Variants in LGALS12 observed in about 807,000 individuals in gnomAD.
The protein encoded by LGALS12 is galectin 12.
LGALS12 carries 36 observed loss-of-function variants against 36.8 expected under a neutral mutation model. That is an observed-to-expected ratio of 0.98 (90% CI 0.75 to 1.29). LGALS12 has a LOEUF of 1.29. Ranked by LOEUF, LGALS12 falls within the 50% of genes most tolerant of loss-of-function variation. LGALS12 has a pLI of 0.00. For missense variants in LGALS12, 366 were observed against 394.3 expected, an observed-to-expected ratio of 0.93 and a Z score of 0.61; for synonymous variants, 145 against 155.9, an observed-to-expected ratio of 0.93 and a Z score of 0.52.
chr11:63,510,977 A>T, intron 5 of LGALS12, 102 bp from the exon 6 acceptor site: 1 of 1,213,948 alleles, frequency 8.2e-7, no homozygotes, highest in Non-Finnish European at 1.2e-6. Flanking sequence ...GCTGTGAGAG[A>T]GACAAGCCCC....
rs753590832 is a variant in LGALS12, at chr11:63,508,560, C to T, written c.77C>T (p.Pro26Leu). 1 of 1,614,022 alleles carries T rather than the reference C, an allele frequency of 6.2e-7. No individual in the cohort carries two copies. The highest frequency in any genetic ancestry group is 1.1e-5 in the South Asian group (1 of 91,088). ...GTTTCTTTTCTTGTTCAGGTGGTTC[C>T]TTATGTCACGACGATTTTTGGAGGC... ...LQPPVFHPVV[P>L]YVTTIFGGLH... Residue 26 changes from proline (P) to leucine (L), a missense_variant, in exon 2 of 9, where the codon CCT (proline) becomes CTT (leucine). By Grantham distance (98) the Pro-to-Leu change is moderately conservative. Transcript: ENST00000394618.
chr11:63,510,192 G>A (rs916238552), intron 4 of LGALS12, among the ~76,000 whole-genome samples: 1 of 152,200 alleles, frequency 6.6e-6, no homozygotes, highest in African/African-American at 2.4e-5. Flanking sequence ...ACTGGGGGCC[G>A]AAACGGGTGG....
intron 1 of LGALS12, chr11:63,507,957 C>T (rs993733299): frequency 1.9e-5 from 17 of 882,262 alleles, no homozygotes; most frequent in Non-Finnish European, 2.3e-5. Flanking sequence ...AAGCTGGTCT[C>T]GAACTCCTGA....
chr11:63,511,977 A>G (rs2016940353), intron 7 of LGALS12, 137 bp downstream of exon 7: 1 of 702,714 alleles, frequency 1.4e-6, no homozygotes, highest in African/African-American at 1.7e-5. Flanking sequence ...AGAGGAGCAG[A>G]AAGGAGAAGT....
At chr11:63,515,452 A>G in intron 7 of LGALS12, 111 bp from the exon 8 acceptor site, 1 of 1,267,326 alleles carries the variant, frequency 7.9e-7, no homozygotes, top group East Asian at 2.4e-5. Context: ...TGGAGGCTGA[A>G]GCAGCTCAAC....
chr11:63,516,024 G>A (rs2017072201), intron 8 of LGALS12, among the ~76,000 whole-genome samples: 1 of 152,208 alleles, frequency 6.6e-6, no homozygotes. Flanking sequence ...GTTACAGGTG[G>A]TGAAACTGAG....
chr11:63,512,853 T>G (rs912899303), intron 7 of LGALS12, among the ~76,000 whole-genome samples: 3 of 151,422 alleles, frequency 2.0e-5, no homozygotes, highest in Non-Finnish European at 4.4e-5. Context: ...GTACTTAGAA[T>G]AGTGCCTGGT....
chr11:63,511,764 T>G lies in LGALS12; in HGVS notation c.571T>G (p.Ser191Ala). Residue 191 changes from serine (S) to alanine (A), a missense_variant, in exon 7 of 9, where the codon TCA (serine) becomes GCA (alanine). Physicochemically the swap from Ser to Ala is moderately conservative, Grantham distance 99. Coordinates refer to ENST00000394618, the MANE Select transcript of LGALS12 (RefSeq NM_033101.4). ...CTTGTTCCTTCAGGAGGTGCCCTGCTCACATGCTCTTCCCCAGGGTCTCTC... is the reference window on the plus strand; with the variant it reads ...CTTGTTCCTTCAGGAGGTGCCCTGCGCACATGCTCTTCCCCAGGGTCTCTC... ...LMSPRLEVPCSHALPQGLSPG... is the reference protein window; with the variant it reads ...LMSPRLEVPCAHALPQGLSPG... 1 of 1,613,354 alleles carries G rather than the reference T, an allele frequency of 6.2e-7. No individual in the cohort carries two copies. Among genetic ancestry groups the G allele is most frequent in the Non-Finnish European group, 8.5e-7 (1 of 1,179,550 alleles).
At chr11:63,510,942 C>G in intron 5 of LGALS12, 137 bp from the exon 6 acceptor site, 1 of 803,846 alleles carries the variant, frequency 1.2e-6, no homozygotes, top group South Asian at 1.5e-5. Context: ...GAGGATCCCA[C>G]TGGGGCTCCA....
chr11:63,506,272 C>T lies in LGALS12; in HGVS notation c.-187C>T. ...CACCGGGAGTGGGGCTGGTGTGGAG[C>T]CTGGAGGTCGCCCGCTGCCCTCCTA... On this transcript the variant is annotated 5_prime_UTR_variant, in exon 1 of 9. Transcript: ENST00000394618. 2 of 1,121,300 alleles carry T rather than the reference C, an allele frequency of 1.8e-6. No individual in the cohort carries two copies. Among genetic ancestry groups the T allele is most frequent in the Admixed American group, 2.4e-5 (1 of 42,306 alleles). The allele number at this position is 1,121,300 out of a possible 1,614,324, so 69.5% of individuals were successfully genotyped here. A position where few individuals can be genotyped will look rare whatever the true frequency, so the allele number is the denominator to read the frequency against.
rs1318980383 is a variant in LGALS12, at chr11:63,506,167, A to C, written c.-292A>C. 11 of 538,996 alleles carry C rather than the reference A, an allele frequency of 2.0e-5. No homozygotes were observed. The Admixed American group carries it at 3.2e-4, about 16-fold the overall frequency. 33.4% of individuals were successfully genotyped at this position (538,996 alleles called of 1,614,324 possible). On this transcript the variant is annotated 5_prime_UTR_variant, in exon 1 of 9. The change abolishes the stop of an existing upstream ORF in the 5' untranslated region. Coordinates refer to ENST00000394618, the MANE Select transcript of LGALS12 (RefSeq NM_033101.4). The stretch of plus-strand genomic sequence containing the variant: ...TGCTGCAGACCCGGAGTGGGTAGTT[A>C]GTTGGTTAATGCCAGTCTTCCTCCC...
chr11:63,511,878 C>A, intron 7 of LGALS12, 38 bp downstream of exon 7: 1 of 1,314,826 alleles, frequency 7.6e-7, no homozygotes, highest in Non-Finnish European at 1.1e-6. Context: ...GAGGGAGCAG[C>A]CTCTCTGTGA....
intron 7 of LGALS12, among the ~76,000 whole-genome samples, chr11:63,515,313 A>G (rs1023094169): frequency 2.6e-5 from 4 of 152,078 alleles, no homozygotes; most frequent in Non-Finnish European, 5.9e-5. Flanking sequence ...CTTCCCTCCC[A>G]CCCCCATCCT....
chr11:63,516,191 C>T (rs2017076356), intron 8 of LGALS12, 56 bp from the exon 9 acceptor site: 1 of 1,518,814 alleles, frequency 6.6e-7, no homozygotes, highest in African/African-American at 1.4e-5. Context: ...GAGCGTCAGG[C>T]AGACAAGGGA....
Position 63,510,460 on chromosome 11 carries a change from C to T in LGALS12, c.493-3C>T, listed in dbSNP as rs185825630. ...GCTGATTCTTTTCTCTCTTTCTGAA[C>T]AGCCATTTGTGGAGGGCAGCAGAGA... On this transcript the variant is annotated splice_region_variant and splice_polypyrimidine_tract_variant and intron_variant, in intron 4 of 8. Transcript: ENST00000394618. 6.2e-7 allele frequency: 1 copy of T among 1,614,112 alleles called. No individual in the cohort carries two copies. Among genetic ancestry groups the T allele is most frequent in the East Asian group, 2.2e-5 (1 of 44,888 alleles).
Position 63,516,111 on chromosome 11 carries a change from C to T in LGALS12, c.799-136C>T, listed in dbSNP as rs73490127. 4.8e-3 allele frequency: 5,244 copies of T among 1,096,850 alleles called. 193 individuals carry two copies. The African/African-American group carries it at 0.073, about 15-fold the overall frequency. 67.9% of individuals were successfully genotyped at this position (1,096,850 alleles called of 1,614,324 possible). ...CCGGGCCCCTTATCCTGTTCTTTTC[C>T]AGCACTGTACTGGGTGCCCCCTGGG... On this transcript the variant is annotated intron_variant, in intron 8 of 8. Coordinates refer to ENST00000394618, the MANE Select transcript of LGALS12 (RefSeq NM_033101.4).
chr11:63,509,051 C>T lies in LGALS12; in HGVS notation c.372+60C>T, dbSNP rs2016837344. The T allele has an allele frequency of 3.1e-6, 4 of 1,271,770 alleles. No individual in the cohort carries two copies. In the Admixed American group the frequency reaches 7.6e-5, roughly 24 times the overall value. 78.8% of individuals were successfully genotyped at this position (1,271,770 alleles called of 1,614,324 possible). A position where few individuals can be genotyped will look rare whatever the true frequency, so the allele number is the denominator to read the frequency against. The stretch of plus-strand genomic sequence containing the variant: ...TTTGTGTCCTTGCGCCCTTCCTTCC[C>T]TCAGCCAGACTCCCCACGACACAAT... On this transcript the variant is annotated intron_variant, in intron 3 of 8. Transcript: ENST00000394618.
rs2016736321 is a variant in LGALS12 at position 63,506,093 on chromosome 11, C to T, written c.-366C>T. 1.2e-5 allele frequency: 4 copies of T among 346,420 alleles called. No individual in the cohort carries two copies. Among genetic ancestry groups the T allele is most frequent in the Non-Finnish European group, 1.1e-5 (2 of 186,576 alleles). 21.5% of individuals were successfully genotyped at this position (346,420 alleles called of 1,614,324 possible). On this transcript the variant is annotated 5_prime_UTR_variant, in exon 1 of 9. Coordinates refer to ENST00000394618, the MANE Select transcript of LGALS12 (RefSeq NM_033101.4). ...GCTCGAGTTGGAAACCACAAACCCT[C>T]GTTGGCCCCACAGGAGCCAGCCTCT...
chr11:63,516,087 C>G lies in LGALS12; in HGVS notation c.799-160C>G, dbSNP rs368746852. 1.6e-4 allele frequency among the ~76,000 whole-genome samples: 24 copies of G among 152,316 alleles called. 3 individuals are homozygous for G. Among genetic ancestry groups the G allele is most frequent in the Admixed American group, 1.2e-3 (18 of 15,300 alleles). The stretch of plus-strand genomic sequence containing the variant: ...AGACCACAGTGGGCTGGTGACAAGC[C>G]GGGCCCCTTATCCTGTTCTTTTCCA... On this transcript the variant is annotated intron_variant, in intron 8 of 8. Coordinates refer to ENST00000394618, the MANE Select transcript of LGALS12 (RefSeq NM_033101.4).
Sources: gnomAD v4.1 joint callset for allele counts (sites outside exome capture counted in the v4.1 genomes callset) on GRCh38, gnomAD v4.1.1 for gene constraint, MANE v1.5 for transcripts, NCBI Gene and HGNC (gene_info 2026-07-23, HGNC 2026-07-21) for gene names.